The following GABRG2 variants were observed in gnomAD, a reference collection of about 807,000 sequenced individuals.
GABRG2 encodes the protein gamma-aminobutyric acid type A receptor subunit gamma2, also known as gamma-aminobutyric acid receptor subunit gamma-2.
In GABRG2, 16 loss-of-function variants were observed where a neutral mutation model predicts 56.4. The ratio of observed to expected loss-of-function variants is 0.28; its 90% CI spans 0.19 to 0.43. The LOEUF (loss-of-function observed/expected upper bound fraction) is 0.43. GABRG2 is among the 20% of genes least tolerant of loss of function. GABRG2 has a pLI of 1.00. For synonymous variants in GABRG2, 208 were observed against 205.5 expected, an observed-to-expected ratio of 1.01 and a Z score of -0.10; for missense variants, 327 against 582.7, an observed-to-expected ratio of 0.56 and a Z score of 4.52.
intron 1 of GABRG2, 107 bp downstream of exon 1, chr5:162,068,213 G>A (rs1758378354): frequency 1.3e-6 from 1 of 767,854 alleles, no homozygotes; most frequent in East Asian, 2.6e-5. Context: ...CTCCTAGGAT[G>A]TGCGGCTTTA....
At chr5:162,129,074 G>A (rs1219371091) in intron 6 of GABRG2, 1 of 151,884 alleles carries the variant, frequency 6.6e-6, no homozygotes, top group African/African-American at 2.4e-5. Context: ...AATAATTTTA[G>A]AACTGAAAAC....
chr5:162,124,667 T>C (rs1384045103), intron 6 of GABRG2, among the ~76,000 whole-genome samples: 2 of 151,438 alleles, frequency 1.3e-5, no homozygotes, highest in Non-Finnish European at 3.0e-5. Flanking sequence ...ACATGAGGAG[T>C]GAAGAAAAAG....
intron 6 of GABRG2, among the ~76,000 whole-genome samples, chr5:162,135,453 A>T (rs1266201370): frequency 6.6e-6 from 1 of 152,200 alleles, no homozygotes; most frequent in Non-Finnish European, 1.5e-5. Flanking sequence ...TATGTAACAA[A>T]TAATTGTGGA....
At position 162,118,316 on chromosome 5, in the gene GABRG2, A is replaced by G. The variant is rs543045920; in HGVS notation, c.769+14290A>G. 2.6e-5 allele frequency among the ~76,000 whole-genome samples: 4 copies of G among 151,894 alleles called. No homozygotes were observed. In the East Asian group the frequency reaches 7.8e-4, roughly 30 times the overall value. ...ATACTGTAACAGCCTGATAGGTTTT[A>G]TTGTTTGCAGTTAATGGCAAGAGTT... is the stretch of plus-strand genomic sequence containing the variant. On this transcript the variant is annotated intron_variant, in intron 6 of 9. Transcript: ENST00000639213.
chr5:162,102,724 C>A, intron 5 of GABRG2: 1 of 393,972 alleles, frequency 2.5e-6, no homozygotes, highest in Non-Finnish European at 5.1e-6. Flanking sequence ...AGAGATGGGG[C>A]GTCGCCATGT....
intron 6 of GABRG2, among the ~76,000 whole-genome samples, chr5:162,118,530 A>C (rs1213089429): frequency 6.6e-6 from 1 of 152,126 alleles, no homozygotes; most frequent in Non-Finnish European, 1.5e-5. Flanking sequence ...GGCTAGAAGT[A>C]AAAAGATCTG....
chr5:162,106,302 A>G (rs1048470899), intron 6 of GABRG2, among the ~76,000 whole-genome samples: 1 of 152,154 alleles, frequency 6.6e-6, no homozygotes, highest in Non-Finnish European at 1.5e-5. Context: ...GTGCATCCTA[A>G]TATTGTGAAT....
At chr5:162,118,987 T>A (rs776366552) in intron 6 of GABRG2, among the ~76,000 whole-genome samples, 3 of 152,112 alleles carry the variant, frequency 2.0e-5, no homozygotes, top group Non-Finnish European at 2.9e-5. Context: ...AAGGGACTTG[T>A]AGCATTGGAC....
Position 162,153,388 on chromosome 5 carries a change from A to C in GABRG2, c.*20A>C, listed in dbSNP as rs796052501. ...CTGTGAGGAGGTATGGGTTTTACTGATATGGTTCTTATTCACTGAGTCTCA... is the reference window on the plus strand; with the variant it reads ...CTGTGAGGAGGTATGGGTTTTACTGCTATGGTTCTTATTCACTGAGTCTCA... On this transcript the variant is annotated 3_prime_UTR_variant, in exon 10 of 10. Coordinates refer to ENST00000639213, the MANE Select transcript of GABRG2 (RefSeq NM_198904.4). 2.5e-6 allele frequency: 4 copies of C among 1,613,016 alleles called. No homozygotes were observed. The highest frequency in any genetic ancestry group is 3.4e-6 in the Non-Finnish European group (4 of 1,179,118).
At chr5:162,147,195 C>CTCTT (rs1033382641) in intron 7 of GABRG2, among the ~76,000 whole-genome samples, 2 of 151,830 alleles carry the variant, frequency 1.3e-5, no homozygotes, top group South Asian at 2.1e-4. Context: ...CTCTTTCTTT[C>CTCTT]TCTTTCTTTC....
At position 162,153,746 on chromosome 5, in the gene GABRG2, T is replaced by C. The variant is rs1456527543; in HGVS notation, c.*378T>C. The C allele has an allele frequency of 4.0e-6, 1 of 250,500 alleles. No homozygotes were observed. Among genetic ancestry groups the C allele is most frequent in the Non-Finnish European group, 7.8e-6 (1 of 127,628 alleles). The allele number at this position is 250,500 out of a possible 1,614,324, so 15.5% of individuals were successfully genotyped here. A position where few individuals can be genotyped will look rare whatever the true frequency, so the allele number is the denominator to read the frequency against. ...AAAGGTCCAAAACTGTACCCTATGT[T>C]CACTCCGGGTCAAGTTGTGATAAAT... On this transcript the variant is annotated 3_prime_UTR_variant, in exon 10 of 10. Coordinates refer to ENST00000639213, the MANE Select transcript of GABRG2 (RefSeq NM_198904.4).
At chr5:162,151,506 T>G in intron 8 of GABRG2, 1 of 496,820 alleles carries the variant, frequency 2.0e-6, no homozygotes. Context: ...TAGATTAATT[T>G]ATTAAAAATT....
intron 1 of GABRG2, among the ~76,000 whole-genome samples, chr5:162,083,291 A>G (rs950452923): frequency 6.6e-6 from 1 of 151,752 alleles, no homozygotes; most frequent in South Asian, 2.1e-4. Flanking sequence ...ATTTTCATAC[A>G]CTTGTTCTCA....
chr5:162,147,244 T>G (rs1561660186), intron 7 of GABRG2, among the ~76,000 whole-genome samples: 1 of 150,838 alleles, frequency 6.6e-6, no homozygotes, highest in Non-Finnish European at 1.5e-5. Flanking sequence ...CTTCTTTCTT[T>G]CTCTTTATTT....
At chr5:162,139,002 A>G (rs2113579519) in intron 6 of GABRG2, among the ~76,000 whole-genome samples, 1 of 151,848 alleles carries the variant, frequency 6.6e-6, no homozygotes, top group East Asian at 2.0e-4. Context: ...GTTATTTACC[A>G]CTACAACTTA....
At chr5:162,145,354 G>A (rs1453272950) in intron 7 of GABRG2, among the ~76,000 whole-genome samples, 1 of 152,180 alleles carries the variant, frequency 6.6e-6, no homozygotes, top group Non-Finnish European at 1.5e-5. Context: ...CTGCTTTGAG[G>A]TGAGGTAACA....
At chr5:162,112,336 T>G (rs1482052424) in intron 6 of GABRG2, among the ~76,000 whole-genome samples, 3 of 152,114 alleles carry the variant, frequency 2.0e-5, no homozygotes, top group Non-Finnish European at 2.9e-5. Flanking sequence ...TAAGAGACAT[T>G]TACATCAGTG....
chr5:162,137,523 A>G (rs1764222329), intron 6 of GABRG2, among the ~76,000 whole-genome samples: 1 of 152,156 alleles, frequency 6.6e-6, no homozygotes, highest in African/African-American at 2.4e-5. Flanking sequence ...TTTTGTATTT[A>G]TAAGTTCTTC....
intron 6 of GABRG2, among the ~76,000 whole-genome samples, chr5:162,106,704 G>A (rs1761854038): frequency 6.6e-6 from 1 of 152,070 alleles, no homozygotes; most frequent in Non-Finnish European, 1.5e-5. Context: ...TTGCCAAATT[G>A]CCACATAGCT....
Sources: gnomAD v4.1 joint callset for allele counts (sites outside exome capture counted in the v4.1 genomes callset) on GRCh38, gnomAD v4.1.1 for gene constraint, MANE v1.5 for transcripts, NCBI Gene and HGNC (gene_info 2026-07-23, HGNC 2026-07-21) for gene names.